TTC7A: variants seen among roughly 807,000 people sequenced by gnomAD.
TTC7A encodes tetratricopeptide repeat protein 7A.
Under a neutral mutation model 103.7 loss-of-function variants are expected in TTC7A, and 110 were observed. The ratio of observed to expected loss-of-function variants is 1.06; its 90% CI spans 0.91 to 1.24. The LOEUF (loss-of-function observed/expected upper bound fraction) is 1.24. Among genes scored for constraint, TTC7A ranks in the 50% most tolerant of loss-of-function variants. TTC7A has a pLI of 0.00. For synonymous variants in TTC7A, 521 were observed against 467.9 expected (o/e 1.11, Z -1.47); for missense variants, 1,340 against 1,116.3 (o/e 1.20, Z -2.86).
chr2:46,973,266 A>G (rs1026106835), intron 3 of TTC7A, among the ~76,000 whole-genome samples: 4 of 152,138 alleles, frequency 2.6e-5, no homozygotes, highest in Admixed American at 6.5e-5. Flanking sequence ...TATGGAGGAG[A>G]TAAGAGTATG....
rs1244983198 is a variant in TTC7A at position 47,017,978 on chromosome 2, CAT to C, written c.1393-3875_1393-3874del. On this transcript the variant is annotated intron_variant, in intron 11 of 19. Transcript: ENST00000319190. ...TATATGAGTAGTTGTAATTGATATA[CAT>C]ATATATATGAACCTGGCTAGCTGCA... Among the ~76,000 whole-genome samples the C allele has an allele frequency of 2.0e-5, 3 of 152,048 alleles. No homozygotes were observed. In the South Asian group the frequency reaches 6.2e-4, roughly 32 times the overall value.
chr2:47,024,334 C>T lies in TTC7A; in HGVS notation c.1616C>T (p.Ser539Leu), dbSNP rs776906926. 29 of 1,608,106 alleles carry T rather than the reference C, an allele frequency of 1.8e-5. No homozygotes were observed. Among genetic ancestry groups the T allele is most frequent in the East Asian group, 2.3e-5 (1 of 43,860 alleles). The change falls in exon 14 of 20, where the codon TCG becomes TTG. Residue 539 changes from serine to leucine, a missense_variant. Ser to Leu is a moderately radical substitution (Grantham distance 145). Coordinates refer to ENST00000319190, the MANE Select transcript of TTC7A (RefSeq NM_020458.4). ...PSDPQVILYVSLQLALVRQIS... is the reference protein window; with the variant it reads ...PSDPQVILYVLLQLALVRQIS... ...GACCCCCAGGTCATCCTCTATGTCT[C>T]GCTGCAGCTGGCCCTCGTCCGACAG...
chr2:46,989,163 G>A (rs577034822), intron 5 of TTC7A, among the ~76,000 whole-genome samples: 5 of 152,272 alleles, frequency 3.3e-5, no homozygotes, highest in East Asian at 1.9e-4. Flanking sequence ...AAGATGAACC[G>A]TGTCCTTGAC....
chr2:47,022,511 C>G (rs1679401437), intron 12 of TTC7A, among the ~76,000 whole-genome samples: 1 of 152,180 alleles, frequency 6.6e-6, no homozygotes, highest in South Asian at 2.1e-4. Context: ...CTGGCCTTCT[C>G]TTGCCAACCC....
intron 18 of TTC7A, among the ~76,000 whole-genome samples, chr2:47,055,762 G>A (rs563769131): frequency 1.2e-4 from 18 of 152,126 alleles, no homozygotes; most frequent in Non-Finnish European, 1.8e-4. Flanking sequence ...GTCTGGTGCC[G>A]GTGCTCTGGC....
intron 11 of TTC7A, among the ~76,000 whole-genome samples, chr2:47,017,023 A>AC (rs1256759694): frequency 2.0e-5 from 3 of 151,642 alleles, no homozygotes; most frequent in Non-Finnish European, 4.4e-5. Context: ...ACATGGTGAA[A>AC]CCCCATCTCT....
chr2:46,993,587 C>G (rs1675847076), intron 6 of TTC7A, 59 bp downstream of exon 6: 1 of 1,531,908 alleles, frequency 6.5e-7, no homozygotes, highest in South Asian at 1.1e-5. Flanking sequence ...TGGGAGACAA[C>G]AGAAGTCCTT....
chr2:47,011,310 T>G (rs1451247198), intron 10 of TTC7A, 21 bp from the exon 11 acceptor site: 38 of 1,609,548 alleles, frequency 2.4e-5, no homozygotes, highest in Middle Eastern at 1.6e-4. Flanking sequence ...TGACAGTGTT[T>G]CCTGCTCTTT....
chr2:47,001,031 G>T (rs1200578362), intron 8 of TTC7A, among the ~76,000 whole-genome samples: 1 of 152,118 alleles, frequency 6.6e-6, no homozygotes, highest in East Asian at 1.9e-4. Flanking sequence ...CTCTAATTTA[G>T]GTCCCAACCC....
At position 47,051,917 on chromosome 2, in the gene TTC7A, C is replaced by T. The variant is rs375810171; in HGVS notation, c.2152+37C>T. ...GGTCCCAGTGACACACACAGCCTGT[C>T]TGCAGGCCACCCATGCTCTCAGAGC... is the stretch of plus-strand genomic sequence containing the variant. On this transcript the variant is annotated intron_variant, in intron 18 of 19. Transcript: ENST00000319190. 24 of 1,576,880 alleles carry T rather than the reference C, an allele frequency of 1.5e-5. No homozygotes were observed. The African/African-American group carries it at 3.0e-4, about 19-fold the overall frequency.
intron 2 of TTC7A, among the ~76,000 whole-genome samples, chr2:46,920,513 T>C (rs916379280): frequency 6.6e-6 from 1 of 152,036 alleles, no homozygotes; most frequent in African/African-American, 2.4e-5. Flanking sequence ...GTATTTTTAG[T>C]AGAGATGGGG....
chr2:46,951,876 T>C, intron 2 of TTC7A: 1 of 344,616 alleles, frequency 2.9e-6, no homozygotes, highest in South Asian at 2.2e-5. Flanking sequence ...AGATAAGTCC[T>C]ATCAGCAAGT....
intron 5 of TTC7A, among the ~76,000 whole-genome samples, chr2:46,982,744 G>T (rs1674601607): frequency 6.6e-6 from 1 of 152,164 alleles, no homozygotes; most frequent in Non-Finnish European, 1.5e-5. Flanking sequence ...CAGGAGGATT[G>T]CTGGAGCCCA....
At chr2:46,979,243 C>A (rs1674191233) in intron 5 of TTC7A, among the ~76,000 whole-genome samples, 1 of 152,118 alleles carries the variant, frequency 6.6e-6, no homozygotes, top group African/African-American at 2.4e-5. Flanking sequence ...AGTGAGCTGG[C>A]CAGTGGGTCT....
At chr2:47,023,497 C>T in intron 13 of TTC7A, 32 bp downstream of exon 13, 1 of 1,612,282 alleles carries the variant, frequency 6.2e-7, no homozygotes, top group Non-Finnish European at 8.5e-7. Context: ...GCAGAGGCCC[C>T]TCTTGCCTTT....
At chr2:47,002,397 T>G (rs527905114) in intron 8 of TTC7A, among the ~76,000 whole-genome samples, 2 of 152,318 alleles carry the variant, frequency 1.3e-5, no homozygotes, top group Admixed American at 1.3e-4. Context: ...CATGTATTAC[T>G]TTAAGGGTCA....
At chr2:47,016,778 A>C (rs1678701381) in intron 11 of TTC7A, among the ~76,000 whole-genome samples, 1 of 152,244 alleles carries the variant, frequency 6.6e-6, no homozygotes, top group Admixed American at 6.5e-5. Flanking sequence ...GGTGCTAGGC[A>C]GGGAGGAAGA....
intron 15 of TTC7A, among the ~76,000 whole-genome samples, chr2:47,042,514 A>G (rs376000024): frequency 1.3e-5 from 2 of 148,350 alleles, no homozygotes; most frequent in South Asian, 2.2e-4. Flanking sequence ...AAAAAAAAAA[A>G]GGAAATTTCT....
At chr2:47,004,137 G>A (rs187797890) in intron 8 of TTC7A, among the ~76,000 whole-genome samples, 383 of 152,244 alleles carry the variant, frequency 2.5e-3, no homozygotes, top group Non-Finnish European at 4.3e-3. Context: ...CGGGATTTCC[G>A]GGCATCCCGG....
Sources: allele counts gnomAD v4.1 joint callset (sites outside exome capture counted in the v4.1 genomes callset), GRCh38; gene constraint gnomAD v4.1.1; transcripts MANE v1.5; gene names NCBI Gene and HGNC (gene_info 2026-07-23, HGNC 2026-07-21).